ROCK1: variants seen among roughly 807,000 people sequenced by gnomAD.
ROCK1 encodes the protein Rho associated coiled-coil containing protein kinase 1, also known as rho-associated protein kinase 1.
A neutral mutation model predicts 196.8 loss-of-function variants in ROCK1; 36 were observed. The ratio of observed to expected loss-of-function variants is 0.18; its 90% CI spans 0.14 to 0.24. The LOEUF is 0.24. Ranked by LOEUF, ROCK1 falls within the 10% of genes least tolerant of loss-of-function variation. The probability of loss-of-function intolerance (pLI) is 1.00; values close to 1 mark genes in which losing one functional copy is unlikely to be tolerated. For synonymous variants in ROCK1, 443 were observed against 515.9 expected (o/e 0.86, Z 1.91); for missense variants, 920 against 1,562.0 (o/e 0.59, Z 6.93).
Position 20,987,012 on chromosome 18 carries a change from G to A in ROCK1, c.2242C>T (p.Leu748=). ...EKQCSMLDVD[L]KQSQQKLEHL... ...TCTAGTTTCTGCTGAGATTGCTTCA[G>A]ATCAACGTCTAGCATGGAACACTGT... Residue 748 remains leucine, a synonymous_variant, in exon 19 of 33, where the codon CTG becomes TTG. Transcript: ENST00000399799. 2 of 1,610,746 alleles carry A rather than the reference G, an allele frequency of 1.2e-6. No homozygotes were observed. The highest frequency in any genetic ancestry group is 1.7e-6 in the Non-Finnish European group (2 of 1,179,022).
Position 21,078,437 on chromosome 18 carries a change from G to T in ROCK1, c.94-7824C>A, listed in dbSNP as rs557485736. ...TAGGAGTTATTAAGAAATTATTTTA[G>T]GCAGATAGAGAGGAAAAAAAAGGGT... On this transcript the variant is annotated intron_variant, in intron 1 of 32. Coordinates refer to ENST00000399799, the MANE Select transcript of ROCK1 (RefSeq NM_005406.3). 3.3e-4 allele frequency among the ~76,000 whole-genome samples: 50 copies of T among 151,414 alleles called. No homozygotes were observed. The South Asian group carries it at 0.01, about 31-fold the overall frequency.
chr18:21,049,709 A>C, intron 3 of ROCK1, 71 bp downstream of exon 3: 1 of 948,708 alleles, frequency 1.1e-6, no homozygotes, highest in Non-Finnish European at 1.6e-6. Context: ...TTCCCAAATA[A>C]TATGTTAAAC....
chr18:21,056,079 T>G (rs984167902), intron 2 of ROCK1, among the ~76,000 whole-genome samples: 2 of 152,210 alleles, frequency 1.3e-5, no homozygotes, highest in Non-Finnish European at 2.9e-5. Context: ...TCAGTTGCCT[T>G]GGCTGGTTCC....
At chr18:21,010,155 CA>C (rs1293854063) in intron 13 of ROCK1, among the ~76,000 whole-genome samples, 1 of 151,978 alleles carries the variant, frequency 6.6e-6, no homozygotes, top group Non-Finnish European at 1.5e-5. Context: ...CTTTTTGTTT[CA>C]CTGATTTTCT....
intron 1 of ROCK1, among the ~76,000 whole-genome samples, chr18:21,101,269 G>A (rs2036657273): frequency 1.3e-5 from 2 of 152,170 alleles, no homozygotes; most frequent in Non-Finnish European, 1.5e-5. Context: ...CAGGGATTCA[G>A]TTAAAGATCA....
At chr18:21,013,930 G>A (rs1281196337) in intron 13 of ROCK1, among the ~76,000 whole-genome samples, 1 of 152,054 alleles carries the variant, frequency 6.6e-6, no homozygotes, top group South Asian at 2.1e-4. Context: ...GCCAGGCATG[G>A]TGGCGGGCGC....
chr18:21,021,754 T>C (rs2035914778), intron 11 of ROCK1, among the ~76,000 whole-genome samples: 1 of 152,188 alleles, frequency 6.6e-6, no homozygotes, highest in Non-Finnish European at 1.5e-5. Context: ...TAATCACCAC[T>C]GAACAAAATC....
intron 1 of ROCK1, among the ~76,000 whole-genome samples, chr18:21,085,425 C>A (rs773695488): frequency 6.7e-6 from 1 of 148,756 alleles, no homozygotes; most frequent in Non-Finnish European, 1.5e-5. Context: ...AATTAGAATG[C>A]TTCGTTAGAG....
intron 10 of ROCK1, among the ~76,000 whole-genome samples, chr18:21,026,931 T>C (rs547224414): frequency 6.1e-4 from 92 of 151,684 alleles, no homozygotes; most frequent in African/African-American, 2.2e-3. Flanking sequence ...TTAGATTTCT[T>C]TTTCTTTCTT....
chr18:21,091,153 TCTC>T lies in ROCK1; in HGVS notation c.93+19662_93+19664del, dbSNP rs373550561. Among the ~76,000 whole-genome samples, 12 of 151,932 alleles carry T rather than the reference TCTC, an allele frequency of 7.9e-5. No homozygotes were observed. The East Asian group carries it at 1.6e-3, about 20-fold the overall frequency. On this transcript the variant is annotated intron_variant, in intron 1 of 32. Coordinates refer to ENST00000399799, the MANE Select transcript of ROCK1 (RefSeq NM_005406.3). ...GCCACCCCTGATACAAAGACCAATC[TCTC>T]CTCCTCCTCAGCTACTCAACATGAA...
At chr18:21,018,096 A>G (rs1249555572) in intron 12 of ROCK1, among the ~76,000 whole-genome samples, 8 of 152,174 alleles carry the variant, frequency 5.3e-5, no homozygotes, top group African/African-American at 1.7e-4. Flanking sequence ...ATAATTTTTT[A>G]AAGTTTCATC....
chr18:21,003,069 C>T (rs1448864448), intron 16 of ROCK1, among the ~76,000 whole-genome samples: 1 of 152,058 alleles, frequency 6.6e-6, no homozygotes, highest in African/African-American at 2.4e-5. Context: ...TCTCCTGGTA[C>T]CTAAATACTA....
At position 21,070,523 on chromosome 18, in the gene ROCK1, A is replaced by G. The variant is rs112221909; in HGVS notation, c.175+9T>C. On this transcript the variant is annotated intron_variant, in intron 2 of 32. Transcript: ENST00000399799. ...AGTCTGTCATTAACCTCCACAAAAA[A>G]TTACTTACATCTGCTTAAAAAGTTG... 7.8e-5 allele frequency: 118 copies of G among 1,512,058 alleles called. No homozygotes were observed. Among genetic ancestry groups the G allele is most frequent in the Non-Finnish European group, 1.0e-4 (111 of 1,095,052 alleles). 93.7% of individuals were successfully genotyped at this position (1,512,058 alleles called of 1,614,324 possible). A position where few individuals can be genotyped will look rare whatever the true frequency, so the allele number is the denominator to read the frequency against.
In ROCK1 at chr18:21,097,808, A is replaced by AT. The variant is rs768957217; in HGVS notation, c.93+13009dup. Reference sequence around the variant, plus strand: ...TCTATGAGGGTCTATGATTAATCTTATTTGAAGGTGATGTGTTTGAGTTCC... The same window carrying AT: ...TCTATGAGGGTCTATGATTAATCTTATTTTGAAGGTGATGTGTTTGAGTTCC... On this transcript the variant is annotated intron_variant, in intron 1 of 32. Coordinates refer to ENST00000399799, the MANE Select transcript of ROCK1 (RefSeq NM_005406.3). 5.3e-5 allele frequency among the ~76,000 whole-genome samples: 8 copies of AT among 152,352 alleles called. No homozygotes were observed. In the South Asian group the frequency reaches 1.7e-3, roughly 32 times the overall value.
intron 9 of ROCK1, among the ~76,000 whole-genome samples, chr18:21,029,542 C>A (rs1035578154): frequency 6.6e-6 from 1 of 152,038 alleles, no homozygotes; most frequent in Admixed American, 6.6e-5. Flanking sequence ...CCTCTAGAAT[C>A]AAGTGATTAA....
intron 1 of ROCK1, 98 bp downstream of exon 1, chr18:21,110,720 T>G (rs2036743369): frequency 2.2e-6 from 2 of 915,338 alleles, no homozygotes; most frequent in Admixed American, 2.0e-5. Flanking sequence ...CCAAGACGAT[T>G]ATGCACACCT....
Position 21,008,242 on chromosome 18 carries a change from A to T in ROCK1, c.1411-48T>A, listed in dbSNP as rs762696535. 4.4e-6 allele frequency: 6 copies of T among 1,364,942 alleles called. No individual in the cohort carries two copies. In the South Asian group the frequency reaches 8.4e-5, roughly 19 times the overall value. The allele number at this position is 1,364,942 out of a possible 1,614,324, so 84.6% of individuals were successfully genotyped here. A position where few individuals can be genotyped will look rare whatever the true frequency, so the allele number is the denominator to read the frequency against. Reference sequence around the variant, plus strand: ...TACCACTGTGATTAATACTCTGGTCATTCATTCAAGTGAGTATTTTGTTCT... The same window carrying T: ...TACCACTGTGATTAATACTCTGGTCTTTCATTCAAGTGAGTATTTTGTTCT... On this transcript the variant is annotated intron_variant, in intron 13 of 32. Coordinates refer to ENST00000399799, the MANE Select transcript of ROCK1 (RefSeq NM_005406.3).
Position 20,963,398 on chromosome 18 carries a change from T to C in ROCK1, c.3353-3192A>G, listed in dbSNP as rs139607092. On this transcript the variant is annotated intron_variant, in intron 27 of 32. Transcript: ENST00000399799. ...AAAGAACCATTTCAAAACACTTTAA[T>C]TAAATTCAAAAGTGATATAAAAAAG... Among the ~76,000 whole-genome samples, 64 of 152,172 alleles carry C rather than the reference T, an allele frequency of 4.2e-4. No individual in the cohort carries two copies. In the East Asian group the frequency reaches 0.011, roughly 26 times the overall value.
chr18:21,087,622 G>A (rs1416700595), intron 1 of ROCK1, among the ~76,000 whole-genome samples: 2 of 151,754 alleles, frequency 1.3e-5, no homozygotes, highest in African/African-American at 4.8e-5. Flanking sequence ...CACCAAGAAG[G>A]CACAATAATC....
Sources: gnomAD v4.1 joint callset for allele counts (sites outside exome capture counted in the v4.1 genomes callset) on GRCh38, gnomAD v4.1.1 for gene constraint, MANE v1.5 for transcripts, NCBI Gene and HGNC (gene_info 2026-07-23, HGNC 2026-07-21) for gene names.